Variants in PRKN observed in about 807,000 individuals in gnomAD.
The protein encoded by PRKN is E3 ubiquitin-protein ligase parkin.
In PRKN, 56 loss-of-function variants were observed where a neutral mutation model predicts 59.5. That is an observed-to-expected ratio of 0.94 (90% CI 0.76 to 1.18). The LOEUF (loss-of-function observed/expected upper bound fraction) is 1.18. Ranked by LOEUF, PRKN falls within the 50% of genes most tolerant of loss-of-function variation. PRKN has a pLI of 0.00. For missense variants in PRKN, 657 were observed against 596.4 expected (o/e 1.10, Z -1.06); for synonymous variants, 250 against 222.1 (o/e 1.13, Z -1.12).
chr6:161,616,032 G>A (rs1037340551), intron 7 of PRKN, among the ~76,000 whole-genome samples: 2 of 152,020 alleles, frequency 1.3e-5, no homozygotes, highest in Non-Finnish European at 2.9e-5. Context: ...TCTTCTGGCC[G>A]CTCTCTCTCC....
intron 6 of PRKN, among the ~76,000 whole-genome samples, chr6:161,811,913 CT>C (rs1791579362): frequency 6.6e-6 from 1 of 151,134 alleles, no homozygotes; most frequent in Admixed American, 6.6e-5. Flanking sequence ...CAGAGCAAGA[CT>C]CTGTCTCAAA....
At chr6:161,640,322 C>T (rs1380415785) in intron 7 of PRKN, among the ~76,000 whole-genome samples, 1 of 152,090 alleles carries the variant, frequency 6.6e-6, no homozygotes, top group East Asian at 1.9e-4. Context: ...GCTTCTAAAA[C>T]ATATACAGAT....
At chr6:161,733,797 T>TATATATATATATATACAC (rs58765166) in intron 7 of PRKN, among the ~76,000 whole-genome samples, 3 of 81,990 alleles carry the variant, frequency 3.7e-5, no homozygotes, top group African/African-American at 1.2e-4. Context: ...TATATATATA[T>TATATATATATATATACAC]GTATATATAT....
chr6:162,212,164 T>A (rs1194212557), intron 3 of PRKN, among the ~76,000 whole-genome samples: 1 of 152,026 alleles, frequency 6.6e-6, no homozygotes, highest in Non-Finnish European at 1.5e-5. Context: ...AGGGGCCGCC[T>A]CTCTCCTACC....
At chr6:162,489,775 G>A (rs951065403) in intron 1 of PRKN, among the ~76,000 whole-genome samples, 3 of 152,092 alleles carry the variant, frequency 2.0e-5, no homozygotes, top group African/African-American at 7.2e-5. Flanking sequence ...TGAAGGATGT[G>A]CTGTCCGTGC....
rs1392351567 is a variant in PRKN, at chr6:161,414,284, G to T, written c.1084-27407C>A. On this transcript the variant is annotated intron_variant, in intron 9 of 11. Coordinates refer to ENST00000366898, the MANE Select transcript of PRKN (RefSeq NM_004562.3). The surrounding 1 kb of genome is among the most constrained non-coding windows in gnomAD (Gnocchi z 5.3). ...TCTCCGGAAGGCTGGAGGGTGTTCAGCGTTGTTTGTCACAGGCAGCGGCCA... is the reference window on the plus strand; with the variant it reads ...TCTCCGGAAGGCTGGAGGGTGTTCATCGTTGTTTGTCACAGGCAGCGGCCA... Among the ~76,000 whole-genome samples the T allele has an allele frequency of 5.3e-5, 8 of 152,100 alleles. No individual in the cohort carries two copies. The highest frequency in any genetic ancestry group is 1.3e-4 in the Admixed American group (2 of 15,272).
rs35789599 is a variant in PRKN at position 162,001,847 on chromosome 6, CTTTTTTTT to C, written c.619-28438_619-28431del. 1.4e-3 allele frequency among the ~76,000 whole-genome samples: 167 copies of C among 116,618 alleles called. 1 individual carries two copies. Among genetic ancestry groups the C allele is most frequent in the Admixed American group, 1.4e-3 (16 of 11,160 alleles). 76.5% of individuals were successfully genotyped at this position (116,618 alleles called of 152,430 possible). A position where few individuals can be genotyped will look rare whatever the true frequency, so the allele number is the denominator to read the frequency against. On this transcript the variant is annotated intron_variant, in intron 5 of 11. Coordinates refer to ENST00000366898, the MANE Select transcript of PRKN (RefSeq NM_004562.3). ...CCCTGTATCTCTAGTTTGCAAATAG[CTTTTTTTT>C]TTTTTTTTTTTTAAATCATGAATGG...
chr6:162,191,423 T>A (rs1784273061), intron 4 of PRKN, among the ~76,000 whole-genome samples: 1 of 152,158 alleles, frequency 6.6e-6, no homozygotes. Flanking sequence ...GAATTATCTT[T>A]TTCCATTTTG....
intron 5 of PRKN, among the ~76,000 whole-genome samples, chr6:162,015,808 ATC>A (rs1782913752): frequency 1.3e-5 from 2 of 152,202 alleles, no homozygotes; most frequent in South Asian, 4.1e-4. Flanking sequence ...ATATGTTACA[ATC>A]AATATATAAG....
chr6:162,087,696 C>A (rs930132961), intron 4 of PRKN, among the ~76,000 whole-genome samples: 1 of 145,804 alleles, frequency 6.9e-6, no homozygotes, highest in African/African-American at 2.5e-5. Flanking sequence ...CAGGTTCAAG[C>A]AATTCTCCTG....
chr6:162,054,033 C>T (rs1562485677), intron 5 of PRKN, 58 bp downstream of exon 5: 1 of 1,095,114 alleles, frequency 9.1e-7, no homozygotes, highest in Non-Finnish European at 1.4e-6. Flanking sequence ...TCCTGGCAAA[C>T]AGTGAAGATG....
intron 3 of PRKN, among the ~76,000 whole-genome samples, chr6:162,237,829 T>G (rs540071358): frequency 2.0e-5 from 3 of 152,168 alleles, no homozygotes; most frequent in African/African-American, 7.2e-5. Flanking sequence ...TGCATTTCAT[T>G]ATCTCTCCCA....
At chr6:162,260,758 A>G (rs1196763500) in intron 3 of PRKN, among the ~76,000 whole-genome samples, 1 of 152,226 alleles carries the variant, frequency 6.6e-6, no homozygotes, top group Non-Finnish European at 1.5e-5. Context: ...TGTTTTTAAT[A>G]TTCAGATAAT....
At chr6:162,586,932 C>T (rs1396349268) in intron 1 of PRKN, among the ~76,000 whole-genome samples, 1 of 152,138 alleles carries the variant, frequency 6.6e-6, no homozygotes, top group Non-Finnish European at 1.5e-5. Flanking sequence ...GCAGGTCCTA[C>T]TAATGCAGAC....
intron 1 of PRKN, among the ~76,000 whole-genome samples, chr6:162,652,565 A>G (rs1217288578): frequency 6.6e-6 from 1 of 152,184 alleles, no homozygotes; most frequent in Non-Finnish European, 1.5e-5. Context: ...AAAAAAAGCA[A>G]TACAACACAA....
Position 161,638,692 on chromosome 6 carries a change from C to T in PRKN, c.872-69276G>A, listed in dbSNP as rs139002848. Among the ~76,000 whole-genome samples the T allele has an allele frequency of 4.7e-5, 7 of 150,476 alleles. No homozygotes were observed. In the East Asian group the frequency reaches 1.4e-3, roughly 29 times the overall value. ...GGTAATTTAACCATGGGGGCAGTTA[C>T]CCTCATGCTGTTTTTGTAATAGTGA... On this transcript the variant is annotated intron_variant, in intron 7 of 11. Coordinates refer to ENST00000366898, the MANE Select transcript of PRKN (RefSeq NM_004562.3).
At chr6:162,243,143 G>T (rs572304213) in intron 3 of PRKN, among the ~76,000 whole-genome samples, 62 of 152,184 alleles carry the variant, frequency 4.1e-4, no homozygotes, top group African/African-American at 1.4e-3. Flanking sequence ...TAAATTACCA[G>T]TGTGTGTTCT....
rs1192764066 is a variant in PRKN, at chr6:161,509,339, G to A, written c.1083+39515C>T. On this transcript the variant is annotated intron_variant, in intron 9 of 11. Coordinates refer to ENST00000366898, the MANE Select transcript of PRKN (RefSeq NM_004562.3). ...TAGTGTTAGCTGTTTATTCATCCTC[G>A]CAGAGAGAAAATGATCCATTCTGAG... is the stretch of plus-strand genomic sequence containing the variant. Among the ~76,000 whole-genome samples, 3 of 151,902 alleles carry A rather than the reference G, an allele frequency of 2.0e-5. No individual in the cohort carries two copies. In the East Asian group the frequency reaches 5.8e-4, roughly 29 times the overall value.
intron 7 of PRKN, among the ~76,000 whole-genome samples, chr6:161,667,557 C>T (rs1582974417): frequency 2.0e-5 from 3 of 152,282 alleles, no homozygotes. Flanking sequence ...TTATTGGGTG[C>T]TCTCATAATT....
Sources: gnomAD v4.1 joint callset for allele counts (sites outside exome capture counted in the v4.1 genomes callset) on GRCh38, gnomAD v4.1.1 for gene constraint, Gnocchi (gnomAD v3.1) non-coding constraint, MANE v1.5 for transcripts, NCBI Gene and HGNC (gene_info 2026-07-23, HGNC 2026-07-21) for gene names.